Variants in LRRTM3 observed in about 807,000 individuals in gnomAD.
LRRTM3 encodes the protein leucine rich repeat transmembrane neuronal 3.
LRRTM3 carries 24 observed loss-of-function variants against 44.7 expected under a neutral mutation model. That is an observed-to-expected ratio of 0.54 (90% CI 0.39 to 0.76). The LOEUF (loss-of-function observed/expected upper bound fraction) is 0.76, where lower values mean the gene tolerates loss of function less well. Ranked by LOEUF, LRRTM3 falls within the 30% of genes least tolerant of loss-of-function variation. LRRTM3 has a pLI of 0.00. For missense variants in LRRTM3, 587 were observed against 702.2 expected (o/e 0.84, Z 1.85); for synonymous variants, 277 against 278.7 (o/e 0.99, Z 0.06).
intron 2 of LRRTM3, among the ~76,000 whole-genome samples, chr10:66,965,607 A>G (rs1332786138): frequency 6.7e-6 from 1 of 150,240 alleles, no homozygotes; most frequent in East Asian, 2.0e-4. Context: ...AATATTTCCC[A>G]GGAGGGCAAG....
intron 2 of LRRTM3, among the ~76,000 whole-genome samples, chr10:67,002,681 A>G (rs992527793): frequency 3.3e-5 from 5 of 152,096 alleles, no homozygotes; most frequent in Non-Finnish European, 5.9e-5. Flanking sequence ...CTTGTTTATA[A>G]AACTTGTTTC....
At chr10:67,001,454 G>T (rs1036130698) in intron 2 of LRRTM3, among the ~76,000 whole-genome samples, 4 of 151,860 alleles carry the variant, frequency 2.6e-5, no homozygotes, top group African/African-American at 9.7e-5. Flanking sequence ...ACAGGGGTGG[G>T]GGACAGAAGG....
At chr10:67,005,008 A>G (rs1851888715) in intron 2 of LRRTM3, among the ~76,000 whole-genome samples, 1 of 152,180 alleles carries the variant, frequency 6.6e-6, no homozygotes, top group South Asian at 2.1e-4. Context: ...CAAACCCTCA[A>G]GGTAGTTTCA....
chr10:67,046,930 T>G (rs4746654), intron 2 of LRRTM3, among the ~76,000 whole-genome samples: 67,170 of 151,946 alleles, frequency 0.44, 15,248 homozygotes, highest in Middle Eastern at 0.61. Flanking sequence ...AAGAGGTACA[T>G]TAGTAGGTAA....
chr10:67,040,737 G>A (rs1436622041), intron 2 of LRRTM3, among the ~76,000 whole-genome samples: 1 of 151,950 alleles, frequency 6.6e-6, no homozygotes. Context: ...CAAGATGTCA[G>A]GAAAAAATGC....
intron 2 of LRRTM3, among the ~76,000 whole-genome samples, chr10:66,931,603 T>C (rs1471430136): frequency 1.3e-5 from 2 of 152,216 alleles, no homozygotes. Context: ...TAGCTTTTTA[T>C]CCTGAATCCT....
intron 2 of LRRTM3, among the ~76,000 whole-genome samples, chr10:67,082,780 C>T (rs531671296): frequency 2.1e-3 from 314 of 152,236 alleles, no homozygotes; most frequent in African/African-American, 6.9e-3. Context: ...TGTTAAAAGA[C>T]ATCCTAAGGA....
At chr10:66,994,182 G>A (rs560031586) in intron 2 of LRRTM3, among the ~76,000 whole-genome samples, 119 of 152,178 alleles carry the variant, frequency 7.8e-4, no homozygotes, top group African/African-American at 2.4e-3. Flanking sequence ...AAACCAGTAA[G>A]TAATGTAAAG....
rs142963141 is a variant in LRRTM3 at position 66,939,413 on chromosome 10, A to G, written c.1536+10961A>G. ...TGCCTTCAAACTGAGTTAAAAGGAA[A>G]ATACTAATAGTTTTATCTCTCATGA... On this transcript the variant is annotated intron_variant, in intron 2 of 2. Coordinates refer to ENST00000361320, the MANE Select transcript of LRRTM3 (RefSeq NM_178011.5). Among the ~76,000 whole-genome samples, 16 of 152,334 alleles carry G rather than the reference A, an allele frequency of 1.1e-4. No individual in the cohort carries two copies. The East Asian group carries it at 3.1e-3, about 29-fold the overall frequency.
intron 2 of LRRTM3, among the ~76,000 whole-genome samples, chr10:67,078,357 T>C (rs1436688275): frequency 6.6e-6 from 1 of 152,158 alleles, no homozygotes; most frequent in African/African-American, 2.4e-5. Context: ...CTAAAGTTTA[T>C]GTGTGTGAAT....
intron 2 of LRRTM3, among the ~76,000 whole-genome samples, chr10:66,996,424 T>G (rs1466784773): frequency 6.6e-6 from 1 of 152,070 alleles, no homozygotes; most frequent in East Asian, 1.9e-4. Flanking sequence ...GACGGGCAGA[T>G]TGCCTGGGCT....
intron 2 of LRRTM3, among the ~76,000 whole-genome samples, chr10:66,985,175 AG>A (rs1011292741): frequency 1.6e-4 from 24 of 152,304 alleles, no homozygotes; most frequent in Middle Eastern, 6.8e-3. Context: ...CACCTTTATC[AG>A]TCATGGGTGA....
intron 2 of LRRTM3, among the ~76,000 whole-genome samples, chr10:66,999,815 G>A (rs1280811006): frequency 6.6e-6 from 1 of 152,040 alleles, no homozygotes; most frequent in Non-Finnish European, 1.5e-5. Context: ...CAATTTTTCT[G>A]ATTTGTATAC....
rs756276076 is a variant in LRRTM3 at position 67,097,640 on chromosome 10, A to G, written c.1590A>G (p.Ile530Met). Residue 530 changes from isoleucine (I) to methionine (M), a missense_variant, in exon 3 of 3, where the codon ATA becomes ATG. Coordinates refer to ENST00000361320, the MANE Select transcript of LRRTM3 (RefSeq NM_178011.5). ...TTCTGGCATACGACCAGCCCACAAT[A>G]AGTTACTGTGGGGTGCATCATGAAC... ...STFLAYDQPT[I>M]SYCGVHHELL... 9 of 1,612,580 alleles carry G rather than the reference A, an allele frequency of 5.6e-6. No homozygotes were observed. Among genetic ancestry groups the G allele is most frequent in the Non-Finnish European group, 7.6e-6 (9 of 1,178,984 alleles).
At chr10:66,958,630 G>A (rs938274211) in intron 2 of LRRTM3, among the ~76,000 whole-genome samples, 2 of 152,060 alleles carry the variant, frequency 1.3e-5, no homozygotes, top group Non-Finnish European at 2.9e-5. Context: ...AGCAAAGCAA[G>A]CTTTAACTCA....
At chr10:66,946,971 A>G (rs1848305793) in intron 2 of LRRTM3, among the ~76,000 whole-genome samples, 1 of 152,112 alleles carries the variant, frequency 6.6e-6, no homozygotes, top group African/African-American at 2.4e-5. Context: ...TTTAAAATCT[A>G]TTCATGTACA....
chr10:67,084,322 C>G (rs1239138300), intron 2 of LRRTM3, among the ~76,000 whole-genome samples: 1 of 151,834 alleles, frequency 6.6e-6, no homozygotes, highest in Non-Finnish European at 1.5e-5. Context: ...AAGAAAATAC[C>G]AAAGATGCTC....
At chr10:67,069,882 T>A (rs1401225849) in intron 2 of LRRTM3, among the ~76,000 whole-genome samples, 1 of 152,208 alleles carries the variant, frequency 6.6e-6, no homozygotes, top group East Asian at 1.9e-4. Flanking sequence ...AACACTTTTG[T>A]ACATCTTTTG....
At chr10:67,095,612 AATC>A (rs1857942797) in intron 2 of LRRTM3, among the ~76,000 whole-genome samples, 1 of 151,834 alleles carries the variant, frequency 6.6e-6, no homozygotes, top group East Asian at 1.9e-4. Flanking sequence ...ATTTTTCATA[AATC>A]ATCACCATAG....
Sources: gnomAD v4.1 joint callset for allele counts (sites outside exome capture counted in the v4.1 genomes callset) on GRCh38, gnomAD v4.1.1 for gene constraint, MANE v1.5 for transcripts, NCBI Gene and HGNC (gene_info 2026-07-23, HGNC 2026-07-21) for gene names.